The following CARS2 variants were observed in gnomAD, a reference collection of about 807,000 sequenced individuals.
The protein encoded by CARS2 is cysteinyl-tRNA synthetase 2, mitochondrial, also known as probable cysteine--tRNA ligase, mitochondrial.
Under a neutral mutation model 68.8 loss-of-function variants are expected in CARS2, and 52 were observed. The observed-to-expected ratio is 0.76, with a 90% CI of 0.61 to 0.95. The LOEUF is 0.95. Among genes scored for constraint, CARS2 ranks in the 40% least tolerant of loss-of-function variants. The pLI is 0.00. For missense variants in CARS2, 780 were observed against 754.2 expected (o/e 1.03, Z -0.40); for synonymous variants, 314 against 303.6 (o/e 1.03, Z -0.36).
At chr13:110,642,840 C>A in intron 13 of CARS2, 1 of 611,720 alleles carries the variant, frequency 1.6e-6, no homozygotes, top group Non-Finnish European at 3.1e-6. Flanking sequence ...CCAGACCTCA[C>A]GCAATTGTGG....
intron 5 of CARS2, among the ~76,000 whole-genome samples, chr13:110,684,666 C>T (rs964796777): frequency 1.3e-5 from 2 of 151,010 alleles, no homozygotes; most frequent in East Asian, 2.0e-4. Flanking sequence ...AGCTGGCACT[C>T]GGTGCTGGGG....
chr13:110,646,714 C>T (rs450565), intron 11 of CARS2: 70,974 of 186,044 alleles, frequency 0.38, 14,092 homozygotes, highest in African/African-American at 0.49. Flanking sequence ...GGAACCCGAG[C>T]CCAAAGCCAC....
chr13:110,695,168 G>A (rs1385851837), intron 3 of CARS2, among the ~76,000 whole-genome samples: 2 of 152,070 alleles, frequency 1.3e-5, no homozygotes, highest in Non-Finnish European at 2.9e-5. Flanking sequence ...TGTGGTCCCC[G>A]CTACTCTGGA....
Position 110,641,461 on chromosome 13 carries a change from G to T in CARS2, c.*76C>A. The T allele has an allele frequency of 1.7e-6, 2 of 1,205,724 alleles. No individual in the cohort carries two copies. The highest frequency in any genetic ancestry group is 2.3e-5 in the East Asian group (1 of 43,042). 74.7% of individuals were successfully genotyped at this position (1,205,724 alleles called of 1,614,324 possible). A position where few individuals can be genotyped will look rare whatever the true frequency, so the allele number is the denominator to read the frequency against. ...GCTGACCTAGCAGCCCCGACAGGAA[G>T]CTTTAACATAAAGCCTTGACCCTGA... On this transcript the variant is annotated 3_prime_UTR_variant, in exon 15 of 15. Transcript: ENST00000257347.
At chr13:110,667,608 T>C in intron 7 of CARS2, 135 bp from the exon 8 acceptor site, 1 of 698,568 alleles carries the variant, frequency 1.4e-6, no homozygotes, top group Non-Finnish European at 2.2e-6. Flanking sequence ...ATTTGCATGA[T>C]AATTTAACTG....
chr13:110,713,192 A>G (rs749336974), exon 1 of CARS2: 1 of 1,425,368 alleles, frequency 7.0e-7, no homozygotes, highest in Non-Finnish European at 9.1e-7. Flanking sequence ...GTTGGCAAGT[A>G]GATTGGCTAC....
chr13:110,664,408 T>A (rs912149267), intron 8 of CARS2: 2 of 262,624 alleles, frequency 7.6e-6, no homozygotes, highest in African/African-American at 4.6e-5. Context: ...TCCCAACAAC[T>A]CAGGAGACTG....
intron 8 of CARS2, chr13:110,664,276 G>T (rs780275279): frequency 7.2e-6 from 6 of 835,374 alleles, no homozygotes; most frequent in African/African-American, 1.8e-5. Flanking sequence ...GGAGGCTAAG[G>T]TGGAAGGACC....
In CARS2 at chr13:110,668,725, GTGAAAGTTTCACAAGC is replaced by G. The variant is rs957890215; in HGVS notation, c.786-1268_786-1253del. On this transcript the variant is annotated intron_variant, in intron 7 of 14. Coordinates refer to ENST00000257347, the MANE Select transcript of CARS2 (RefSeq NM_024537.4). This position sits in a 1 kb window ranked among gnomAD's most constrained non-coding sequence, Gnocchi z 4.1. ...GAAGATCTGAAGCCAACACAACGACGTGAAAGTTTCACAAGCTGAACTATGGGGCCACAACCTTCAC... is the reference window on the plus strand; with the variant it reads ...GAAGATCTGAAGCCAACACAACGACGTGAACTATGGGGCCACAACCTTCAC... Among the ~76,000 whole-genome samples, 3 of 151,960 alleles carry G rather than the reference GTGAAAGTTTCACAAGC, an allele frequency of 2.0e-5. No individual in the cohort carries two copies. The highest frequency in any genetic ancestry group is 4.4e-5 in the Non-Finnish European group (3 of 67,996).
At chr13:110,713,498 C>T in exon 1 of CARS2, 1 of 987,104 alleles carries the variant, frequency 1.0e-6, no homozygotes, top group Non-Finnish European at 1.2e-6. Flanking sequence ...CTGTCCCCTC[C>T]GCGACCCTCG....
At chr13:110,702,519 T>C (rs1018389176) in intron 2 of CARS2, among the ~76,000 whole-genome samples, 1 of 152,170 alleles carries the variant, frequency 6.6e-6, no homozygotes, top group Non-Finnish European at 1.5e-5. Context: ...CACCTCAAGT[T>C]GGGAAAGAGT....
At chr13:110,713,037 G>T in intron 1 of CARS2, 1 of 1,479,090 alleles carries the variant, frequency 6.8e-7, no homozygotes, top group Non-Finnish European at 9.0e-7. Context: ...GTGCCAGTGC[G>T]CATGCGCCGC....
At chr13:110,689,680 A>G (rs529088215) in intron 3 of CARS2, among the ~76,000 whole-genome samples, 23 of 152,354 alleles carry the variant, frequency 1.5e-4, no homozygotes, top group Middle Eastern at 3.4e-3. Flanking sequence ...GCTTTGTAAA[A>G]GAAAACATTA....
intron 6 of CARS2, 115 bp downstream of exon 6, chr13:110,682,936 G>T: frequency 1.7e-6 from 1 of 600,140 alleles, no homozygotes; most frequent in South Asian, 2.7e-5. Context: ...GCTGTGACCT[G>T]GGTAAGGCCA....
At chr13:110,709,709 C>T (rs1219070416), upstream of CARS2, among the ~76,000 whole-genome samples, 1 of 151,908 alleles carries the variant, frequency 6.6e-6, no homozygotes, top group Non-Finnish European at 1.5e-5. Flanking sequence ...TAAGTTAGTA[C>T]TTAATAAACA....
At position 110,647,165 on chromosome 13, in the gene CARS2, C is replaced by T. The variant is rs547702190; in HGVS notation, c.1129G>A (p.Ala377Thr). The change falls in exon 11 of 15, where the codon GCA (alanine) becomes ACA (threonine). Residue 377 changes from alanine (A) to threonine (T), a missense_variant. By Grantham distance (58) the Ala-to-Thr change is moderately conservative. Coordinates refer to ENST00000257347, the MANE Select transcript of CARS2 (RefSeq NM_024537.4). Reference protein sequence around the residue: ...LLGLGSFLEDARAYMKGQLAC... With the variant: ...LLGLGSFLEDTRAYMKGQLAC... ...AGCTGCCCCTTCATGTAGGCACGTG[C>T]GTCCTCCAGGAAAGAGCCCAGCCCC... 29 of 1,612,124 alleles carry T rather than the reference C, an allele frequency of 1.8e-5. No individual in the cohort carries two copies. Among genetic ancestry groups the T allele is most frequent in the South Asian group, 1.3e-4 (12 of 90,742 alleles).
rs1348313039 is a variant in CARS2 at position 110,676,115 on chromosome 13, T to C, written c.785+859A>G. Among the ~76,000 whole-genome samples, 2 of 152,064 alleles carry C rather than the reference T, an allele frequency of 1.3e-5. No individual in the cohort carries two copies. Among genetic ancestry groups the C allele is most frequent in the Admixed American group, 6.6e-5 (1 of 15,258 alleles). On this transcript the variant is annotated intron_variant, in intron 7 of 14. Transcript: ENST00000257347. This position sits in a 1 kb window ranked among gnomAD's most constrained non-coding sequence, Gnocchi z 4.0. ...GTTGCGGTGAGCCGAGATCGCACCATTGCACTCCAACCTGGGCAAGAAGAG... is the reference window on the plus strand; with the variant it reads ...GTTGCGGTGAGCCGAGATCGCACCACTGCACTCCAACCTGGGCAAGAAGAG...
At chr13:110,713,062 C>A in intron 1 of CARS2, 2 of 1,453,036 alleles carry the variant, frequency 1.4e-6, no homozygotes, top group East Asian at 2.5e-5. Flanking sequence ...TCCGCCCGTG[C>A]CCGGCCCTCC....
chr13:110,646,735 G>A (rs546293682), intron 11 of CARS2: 2 of 205,940 alleles, frequency 9.7e-6, no homozygotes, highest in Admixed American at 5.7e-5. Flanking sequence ...TCTGAGCAGG[G>A]GGCTCAGAGC....
Sources: gnomAD v4.1 joint callset for allele counts (sites outside exome capture counted in the v4.1 genomes callset) on GRCh38, gnomAD v4.1.1 for gene constraint, Gnocchi (gnomAD v3.1) non-coding constraint, MANE v1.5 for transcripts, NCBI Gene and HGNC (gene_info 2026-07-23, HGNC 2026-07-21) for gene names.